The following LRRIQ3 variants were observed in gnomAD, a reference collection of about 807,000 sequenced individuals.
LRRIQ3 encodes leucine-rich repeat and IQ domain-containing protein 3.
In LRRIQ3, 75 loss-of-function variants were observed where a neutral mutation model predicts 59.3. The observed-to-expected ratio is 1.26, with a 90% CI of 1.05 to 1.53. The LOEUF (loss-of-function observed/expected upper bound fraction) is 1.53, where lower values mean the gene tolerates loss of function less well. Among genes scored for constraint, LRRIQ3 ranks in the 40% most tolerant of loss-of-function variants. LRRIQ3 has a pLI of 0.00. For synonymous variants in LRRIQ3, 250 were observed against 231.3 expected (o/e 1.08, Z -0.73); for missense variants, 831 against 710.0 (o/e 1.17, Z -1.94).
chr1:74,153,279 A>T (rs1367102006), intron 4 of LRRIQ3, among the ~76,000 whole-genome samples: 2 of 152,190 alleles, frequency 1.3e-5, no homozygotes, highest in African/African-American at 2.4e-5. Flanking sequence ...CTAAAAGATA[A>T]TAGCATTAAT....
chr1:74,060,344 C>G (rs546933243), intron 6 of LRRIQ3, among the ~76,000 whole-genome samples: 1 of 151,030 alleles, frequency 6.6e-6, no homozygotes, highest in South Asian at 2.1e-4. Flanking sequence ...ACCTCCTCCT[C>G]CTTTTCTTCT....
intron 7 of LRRIQ3, among the ~76,000 whole-genome samples, 189 bp from the exon 8 acceptor site, chr1:74,027,158 T>C (rs899153431): frequency 6.6e-6 from 1 of 152,100 alleles, no homozygotes; most frequent in African/African-American, 2.4e-5. Flanking sequence ...TTATGAGATA[T>C]CTATAAGCTA....
At chr1:74,164,149 G>C (rs941186889) in intron 3 of LRRIQ3, among the ~76,000 whole-genome samples, 1 of 151,122 alleles carries the variant, frequency 6.6e-6, no homozygotes, top group African/African-American at 2.4e-5. Flanking sequence ...TTTAAGGCTT[G>C]AGAGTTGTAT....
intron 3 of LRRIQ3, among the ~76,000 whole-genome samples, chr1:74,166,162 C>G (rs1254072370): frequency 6.6e-6 from 1 of 151,334 alleles, no homozygotes; most frequent in African/African-American, 2.4e-5. Flanking sequence ...TGGGATAATT[C>G]TCCAGTGAAG....
chr1:74,139,142 A>ATG lies in LRRIQ3; in HGVS notation c.707+16589_707+16590dup, dbSNP rs1557635704. Among the ~76,000 whole-genome samples, 51 of 140,184 alleles carry ATG rather than the reference A, an allele frequency of 3.6e-4. 1 individual carries two copies. Among genetic ancestry groups the ATG allele is most frequent in the African/African-American group, 1.5e-3 (50 of 34,072 alleles). 92.0% of individuals were successfully genotyped at this position (140,184 alleles called of 152,430 possible). On this transcript the variant is annotated intron_variant, in intron 4 of 7. Coordinates refer to ENST00000354431, the MANE Select transcript of LRRIQ3 (RefSeq NM_001105659.2). The stretch of plus-strand genomic sequence containing the variant: ...TGTGTGTGTGTATATATATATATAC[A>ATG]TGTGTGTGTGTATATATATACACAC...
At chr1:74,156,738 C>T (rs1201155030) in intron 3 of LRRIQ3, among the ~76,000 whole-genome samples, 1 of 152,026 alleles carries the variant, frequency 6.6e-6, no homozygotes, top group Non-Finnish European at 1.5e-5. Flanking sequence ...TTTATTGGAA[C>T]ACAGCAAATT....
At chr1:74,073,997 A>G (rs1247777357) in intron 6 of LRRIQ3, among the ~76,000 whole-genome samples, 4 of 152,160 alleles carry the variant, frequency 2.6e-5, no homozygotes, top group Non-Finnish European at 5.9e-5. Flanking sequence ...AACAAAAATG[A>G]TTATGACCAA....
At chr1:74,144,485 T>C (rs965670771) in intron 4 of LRRIQ3, 2 of 351,512 alleles carry the variant, frequency 5.7e-6, no homozygotes, top group African/African-American at 2.3e-5. Context: ...AAATGTTTTT[T>C]TTTTCTCGCT....
chr1:74,044,294 G>C (rs1269268938), intron 6 of LRRIQ3, among the ~76,000 whole-genome samples: 1 of 152,014 alleles, frequency 6.6e-6, no homozygotes, highest in Non-Finnish European at 1.5e-5. Flanking sequence ...TGGATATTGG[G>C]CCTAGTGAGA....
chr1:74,095,090 G>C lies in LRRIQ3; in HGVS notation c.867+14304C>G, dbSNP rs1344051416. 3.3e-5 allele frequency: 5 copies of C among 152,074 alleles called. No individual in the cohort carries two copies. In the East Asian group the frequency reaches 9.7e-4, roughly 29 times the overall value. 9.4% of individuals were successfully genotyped at this position (152,074 alleles called of 1,614,324 possible). The stretch of plus-strand genomic sequence containing the variant: ...GAACTTTCCAAAAGTAAACACAATA[G>C]CTGTGACCTCTTCTTCTTTATTTCC... On this transcript the variant is annotated intron_variant, in intron 5 of 7. Coordinates refer to ENST00000354431, the MANE Select transcript of LRRIQ3 (RefSeq NM_001105659.2).
At chr1:74,094,424 A>G (rs983059119) in intron 5 of LRRIQ3, among the ~76,000 whole-genome samples, 24 of 152,078 alleles carry the variant, frequency 1.6e-4, no homozygotes, top group South Asian at 8.3e-4. Context: ...GAGATGACAG[A>G]AGCAAGAGGT....
chr1:74,060,781 C>T (rs1654700194), intron 6 of LRRIQ3, among the ~76,000 whole-genome samples: 3 of 152,064 alleles, frequency 2.0e-5, no homozygotes. Flanking sequence ...GACCGGTGCA[C>T]TCCAAGCAGA....
At chr1:74,117,188 T>C (rs111809376) in intron 4 of LRRIQ3, among the ~76,000 whole-genome samples, 1 of 152,152 alleles carries the variant, frequency 6.6e-6, no homozygotes, top group Non-Finnish European at 1.5e-5. Flanking sequence ...ACTTTGGCAA[T>C]GGTTGAAAGT....
chr1:74,185,060 G>T (rs1213689296), intron 1 of LRRIQ3, among the ~76,000 whole-genome samples: 1 of 152,138 alleles, frequency 6.6e-6, no homozygotes, highest in African/African-American at 2.4e-5. Flanking sequence ...TTCACCTATT[G>T]AAAATGTCTT....
chr1:74,059,107 A>ATAAGT (rs1654624862), intron 6 of LRRIQ3, among the ~76,000 whole-genome samples: 1 of 151,266 alleles, frequency 6.6e-6, no homozygotes, highest in South Asian at 2.1e-4. Context: ...TCCATAGCAG[A>ATAAGT]TATGTTATTT....
In LRRIQ3 at chr1:74,069,417, G is replaced by A. The variant is rs148387855; in HGVS notation, c.997+5244C>T. On this transcript the variant is annotated intron_variant, in intron 6 of 7. Transcript: ENST00000354431. Reference sequence around the variant, plus strand: ...GCTTCTTACAGCAGCCGATGAAATAGGTATTCATGAAGTATAGCATTATTT... The same window carrying A: ...GCTTCTTACAGCAGCCGATGAAATAAGTATTCATGAAGTATAGCATTATTT... Among the ~76,000 whole-genome samples, 577 of 151,928 alleles carry A rather than the reference G, an allele frequency of 3.8e-3. 5 individuals carry two copies. Among genetic ancestry groups the A allele is most frequent in the African/African-American group, 0.013 (548 of 41,492 alleles).
rs570227169 is a variant in LRRIQ3, at chr1:74,148,866, G to T, written c.707+6867C>A. Among the ~76,000 whole-genome samples, 3 of 152,208 alleles carry T rather than the reference G, an allele frequency of 2.0e-5. No homozygotes were observed. In the East Asian group the frequency reaches 5.8e-4, roughly 29 times the overall value. On this transcript the variant is annotated intron_variant, in intron 4 of 7. Coordinates refer to ENST00000354431, the MANE Select transcript of LRRIQ3 (RefSeq NM_001105659.2). ...AGAGATTAAATAAGATCAAATCTTT[G>T]TTACCTTGAAACCATGCCAAGTGAG...
At chr1:74,107,285 T>C (rs1302337209) in intron 5 of LRRIQ3, among the ~76,000 whole-genome samples, 1 of 152,026 alleles carries the variant, frequency 6.6e-6, no homozygotes, top group South Asian at 2.1e-4. Context: ...ATCCTTTGTA[T>C]TGTTTTGCTC....
chr1:74,056,697 G>A (rs1356421989), intron 6 of LRRIQ3, among the ~76,000 whole-genome samples: 1 of 152,096 alleles, frequency 6.6e-6, no homozygotes, highest in Non-Finnish European at 1.5e-5. Flanking sequence ...ACAAAATACT[G>A]ATGAAATAGT....
Sources: allele counts gnomAD v4.1 joint callset (sites outside exome capture counted in the v4.1 genomes callset), GRCh38; gene constraint gnomAD v4.1.1; transcripts MANE v1.5; gene names NCBI Gene and HGNC (gene_info 2026-07-23, HGNC 2026-07-21).